The following SPATA31H1 variants were observed in gnomAD, a reference collection of about 807,000 sequenced individuals.
SPATA31H1 encodes SPATA31 subfamily H member 1.
At chr2:27,566,987 C>T in the SPATA31H1 span, 1 of 717,612 alleles carries the variant, frequency 1.4e-6, no homozygotes, top group Non-Finnish European at 2.6e-6. Flanking sequence ...AAAAGCAATC[C>T]TCTGTGTTCA....
chr2:27,554,234 T>G, the SPATA31H1 span, among the ~76,000 whole-genome samples: 1 of 152,072 alleles, frequency 6.6e-6, no homozygotes, highest in African/African-American at 2.4e-5. Context: ...CCCTTAATAG[T>G]TCATTTATGG....
the SPATA31H1 span, chr2:27,569,995 A>T: frequency 7.5e-6 from 3 of 398,816 alleles, no homozygotes; most frequent in Non-Finnish European, 8.8e-6. Flanking sequence ...AAATTGTCAG[A>T]TTTTATCCCA....
chr2:27,578,798 C>G, the SPATA31H1 span: 1 of 1,614,156 alleles, frequency 6.2e-7, no homozygotes, highest in Non-Finnish European at 8.5e-7. Context: ...TCATTTCAAG[C>G]TCTGTCAGAA....
At chr2:27,582,666 A>G in the SPATA31H1 span, 5 of 809,826 alleles carry the variant, frequency 6.2e-6, no homozygotes, top group Non-Finnish European at 5.9e-6. Context: ...ACCGGGGGGG[A>G]GGCGGGTGAG....
chr2:27,580,966 C>G, the SPATA31H1 span: 1 of 1,614,200 alleles, frequency 6.2e-7, no homozygotes, highest in Non-Finnish European at 8.5e-7. Context: ...AGTGGTATTG[C>G]TTTCCAAACT....
At chr2:27,539,472 T>C in the SPATA31H1 span, among the ~76,000 whole-genome samples, 1 of 122,562 alleles carries the variant, frequency 8.2e-6, no homozygotes, top group African/African-American at 3.4e-5. Flanking sequence ...GCAGAAGAAT[T>C]TTTCTTAGTA....
the SPATA31H1 span, chr2:27,577,796 G>A: frequency 1.2e-5 from 19 of 1,614,024 alleles, no homozygotes; most frequent in African/African-American, 2.1e-4. This position sits in a 1 kb window ranked among gnomAD's most constrained non-coding sequence, Gnocchi z 4.5. Context: ...TGACCTGTAA[G>A]CAATGGCTAC....
chr2:27,550,972 C>G, the SPATA31H1 span, among the ~76,000 whole-genome samples: 1 of 151,800 alleles, frequency 6.6e-6, no homozygotes. Flanking sequence ...TCACTGCAAC[C>G]TCTGCCTGCT....
chr2:27,579,474 G>C, the SPATA31H1 span: 1 of 1,614,168 alleles, frequency 6.2e-7, no homozygotes, highest in Non-Finnish European at 8.5e-7. Flanking sequence ...TTTTTATCAT[G>C]GTCATAAGAA....
At chr2:27,555,377 A>G in the SPATA31H1 span, among the ~76,000 whole-genome samples, 1 of 152,096 alleles carries the variant, frequency 6.6e-6, no homozygotes, top group African/African-American at 2.4e-5. Flanking sequence ...TTCACTAAGT[A>G]TAAAAGTCTA....
chr2:27,578,380 C>T, the SPATA31H1 span: 1 of 1,614,126 alleles, frequency 6.2e-7, no homozygotes, highest in Non-Finnish European at 8.5e-7. Context: ...ATCGTAAAAT[C>T]TGAGGAGTTA....
the SPATA31H1 span, among the ~76,000 whole-genome samples, chr2:27,548,625 C>T: frequency 8.4e-3 from 1,214 of 144,822 alleles, 44 homozygotes; most frequent in African/African-American, 0.029. Flanking sequence ...AAAAAAAAAT[C>T]CCAATTGTCT....
At chr2:27,577,871 T>C in the SPATA31H1 span, 2 of 1,614,120 alleles carry the variant, frequency 1.2e-6, no homozygotes, top group South Asian at 1.1e-5. This position sits in a 1 kb window ranked among gnomAD's most constrained non-coding sequence, Gnocchi z 4.5. Context: ...ATGAAGAATC[T>C]GTAGAGCTCA....
At chr2:27,579,890 G>A in the SPATA31H1 span, 1 of 1,614,160 alleles carries the variant, frequency 6.2e-7, no homozygotes, top group South Asian at 1.1e-5. Context: ...CCCCCGATGT[G>A]CCTCCACCTC....
the SPATA31H1 span, chr2:27,568,860 G>A: frequency 2.5e-6 from 1 of 398,990 alleles, no homozygotes; most frequent in Non-Finnish European, 4.4e-6. Context: ...GGAAGTAAAA[G>A]CTGCAGAGAT....
the SPATA31H1 span, chr2:27,579,654 G>C: frequency 8.7e-6 from 14 of 1,614,028 alleles, no homozygotes; most frequent in African/African-American, 1.6e-4. Flanking sequence ...TCCTGTCCTG[G>C]TAAAGTCAGA....
the SPATA31H1 span, among the ~76,000 whole-genome samples, chr2:27,561,166 A>G: frequency 6.6e-6 from 1 of 152,130 alleles, no homozygotes; most frequent in Non-Finnish European, 1.5e-5. Flanking sequence ...CCCTGTCCCT[A>G]CGAAAAATAC....
the SPATA31H1 span, among the ~76,000 whole-genome samples, chr2:27,564,446 T>G: frequency 6.6e-6 from 1 of 152,196 alleles, no homozygotes; most frequent in Non-Finnish European, 1.5e-5. Flanking sequence ...TTTCTACTCA[T>G]GTTTTTCAAT....
At chr2:27,566,621 C>CTT in the SPATA31H1 span, 246 of 454,868 alleles carry the variant, frequency 5.4e-4, no homozygotes, top group South Asian at 1.3e-3. Context: ...GGGAAAGAAA[C>CTT]TTTTTTTTTT....
Sources: allele counts gnomAD v4.1 joint callset (sites outside exome capture counted in the v4.1 genomes callset), GRCh38; gene constraint gnomAD v4.1.1; non-coding constraint Gnocchi (gnomAD v3.1); transcripts MANE v1.5; gene names NCBI Gene and HGNC (gene_info 2026-07-23, HGNC 2026-07-21).